The following PRDM1 variants were observed in gnomAD, a reference collection of about 807,000 sequenced individuals.
PRDM1 encodes the protein PR/SET domain 1.
A neutral mutation model predicts 62.8 loss-of-function variants in PRDM1; 13 were observed. The ratio of observed to expected loss-of-function variants is 0.21; its 90% CI spans 0.13 to 0.33. The LOEUF (loss-of-function observed/expected upper bound fraction) is 0.33, where lower values mean the gene tolerates loss of function less well. PRDM1 is among the 10% of genes least tolerant of loss of function. PRDM1 has a pLI of 1.00. For missense variants in PRDM1, 895 were observed against 1,058.8 expected (o/e 0.85, Z 2.15); for synonymous variants, 396 against 417.6 (o/e 0.95, Z 0.63).
intron 1 of PRDM1, among the ~76,000 whole-genome samples, chr6:106,059,214 T>C (rs1364597181): frequency 6.6e-6 from 1 of 150,872 alleles, no homozygotes; most frequent in Admixed American, 6.6e-5. Flanking sequence ...TAAAAAAGAG[T>C]GATTATGATA....
At chr6:106,055,085 CT>C (rs1347144555) in intron 1 of PRDM1, among the ~76,000 whole-genome samples, 31 of 152,298 alleles carry the variant, frequency 2.0e-4, no homozygotes, top group African/African-American at 7.0e-4. Context: ...ACTAGGACTT[CT>C]CAGTGTGGCC....
At chr6:106,074,147 T>C (rs1773564125) in intron 1 of PRDM1, among the ~76,000 whole-genome samples, 1 of 152,182 alleles carries the variant, frequency 6.6e-6, no homozygotes, top group African/African-American at 2.4e-5. Context: ...AAAATTGATC[T>C]ATGGTAGTGA....
At chr6:106,098,805 C>T (rs908815906) in intron 3 of PRDM1, 1 of 1,511,536 alleles carries the variant, frequency 6.6e-7, no homozygotes, top group Non-Finnish European at 8.9e-7. Context: ...TAGTTGAAGC[C>T]TTGGGCGGGG....
rs1774553687 is a variant in PRDM1 at position 106,107,980 on chromosome 6, A to G, written c.*494A>G. 4.3e-6 allele frequency: 1 copy of G among 232,698 alleles called. No individual in the cohort carries two copies. Among genetic ancestry groups the G allele is most frequent in the Non-Finnish European group, 8.5e-6 (1 of 117,528 alleles). 14.4% of individuals were successfully genotyped at this position (232,698 alleles called of 1,614,324 possible). A position where few individuals can be genotyped will look rare whatever the true frequency, so the allele number is the denominator to read the frequency against. ...CATTCTTTGTAGATAATTTCTGCAC[A>G]TCTGTATAAGTACCTAAGATTTAGT... is the stretch of plus-strand genomic sequence containing the variant. On this transcript the variant is annotated 3_prime_UTR_variant, in exon 7 of 7. Coordinates refer to ENST00000369096, the MANE Select transcript of PRDM1 (RefSeq NM_001198.4).
Position 106,061,708 on chromosome 6 carries a change from T to A in PRDM1, c.-67+12994T>A, listed in dbSNP as rs1202594506. ...ATACGGAAATTGAAGCTTAGAGACA[T>A]TGAGTGATGGGCTTAAGGCTTTCAG... On this transcript the variant is annotated intron_variant, in intron 1 of 6. Coordinates refer to the PRDM1 transcript ENST00000651185. 3.3e-5 allele frequency among the ~76,000 whole-genome samples: 5 copies of A among 152,316 alleles called. No homozygotes were observed. The Middle Eastern group carries it at 0.014, about 414-fold the overall frequency.
chr6:106,064,982 C>T (rs972298567), intron 1 of PRDM1, among the ~76,000 whole-genome samples: 2 of 152,144 alleles, frequency 1.3e-5, no homozygotes, highest in Non-Finnish European at 1.5e-5. Context: ...CTGCCAGCCA[C>T]ACTGGTTGTC....
intron 1 of PRDM1, 85 bp from the exon 2 acceptor site, chr6:106,088,116 A>G: frequency 2.0e-6 from 3 of 1,476,162 alleles, no homozygotes; most frequent in Non-Finnish European, 2.7e-6. Context: ...AAGTCTTCAG[A>G]CTACTGTATT....
Position 106,005,392 on chromosome 6 carries a change from G to T in PRDM1, c.-67+11753G>T, listed in dbSNP as rs557475512. Among the ~76,000 whole-genome samples, 64 of 152,346 alleles carry T rather than the reference G, an allele frequency of 4.2e-4. 1 individual carries two copies. The South Asian group carries it at 0.013, about 31-fold the overall frequency. On this transcript the variant is annotated intron_variant, in intron 1 of 6. Transcript: ENST00000652320. ...ACAGGCCTTGGCCTTCCTCTGTAGA[G>T]TGGACTGTAATTAGTGAAGCTGTCA...
intron 1 of PRDM1, chr6:106,087,602 A>T: frequency 4.3e-6 from 1 of 232,406 alleles, no homozygotes; most frequent in African/African-American, 2.2e-5. Flanking sequence ...TCCATGTGAG[A>T]GGATGAAAGA....
chr6:106,059,523 C>T (rs6568427), intron 1 of PRDM1, among the ~76,000 whole-genome samples: 135,475 of 152,240 alleles, frequency 0.89, 60,343 homozygotes, highest in South Asian at 0.94. Flanking sequence ...GCCTGGTTTG[C>T]ATACCTTGGC....
chr6:106,108,698 C>A lies in PRDM1; in HGVS notation c.*1212C>A, dbSNP rs1054521336. On this transcript the variant is annotated 3_prime_UTR_variant, in exon 7 of 7. Coordinates refer to ENST00000369096, the MANE Select transcript of PRDM1 (RefSeq NM_001198.4). Reference sequence around the variant, plus strand: ...GTAATGAACATTCCTATCCCCAACACATCAATTGTATTTTTTCTGTAAAAC... The same window carrying A: ...GTAATGAACATTCCTATCCCCAACAAATCAATTGTATTTTTTCTGTAAAAC... 1 of 233,294 alleles carries A rather than the reference C, an allele frequency of 4.3e-6. No homozygotes were observed. The highest frequency in any genetic ancestry group is 2.2e-5 in the African/African-American group (1 of 45,224). 14.5% of individuals were successfully genotyped at this position (233,294 alleles called of 1,614,324 possible). A position where few individuals can be genotyped will look rare whatever the true frequency, so the allele number is the denominator to read the frequency against.
Position 106,109,151 on chromosome 6 carries a change from A to T in PRDM1, c.*1665A>T, listed in dbSNP as rs919067583. 9 of 209,652 alleles carry T rather than the reference A, an allele frequency of 4.3e-5. No individual in the cohort carries two copies. Among genetic ancestry groups the T allele is most frequent in the African/African-American group, 2.1e-4 (9 of 43,792 alleles). The allele number at this position is 209,652 out of a possible 1,614,324, so 13.0% of individuals were successfully genotyped here. A position where few individuals can be genotyped will look rare whatever the true frequency, so the allele number is the denominator to read the frequency against. On this transcript the variant is annotated 3_prime_UTR_variant, in exon 7 of 7. Transcript: ENST00000369096. ...CTGAGACTTTGCTTAATACTTGGTG[A>T]CCTCACAATCACGTCGGTATGATTG... is the stretch of plus-strand genomic sequence containing the variant.
rs541874592 is a variant in PRDM1 at position 106,004,823 on chromosome 6, A to G, written c.-67+11184A>G. Among the ~76,000 whole-genome samples the G allele has an allele frequency of 9.5e-4, 144 of 152,310 alleles. 1 individual carries two copies. The Middle Eastern group carries it at 0.031, about 32-fold the overall frequency. On this transcript the variant is annotated intron_variant, in intron 1 of 6. Transcript: ENST00000652320. The stretch of plus-strand genomic sequence containing the variant: ...ATTAAAAATATATTGTCAACATAAA[A>G]CTACCATTTCTTGGAATAGATGCTT...
chr6:106,056,997 C>T (rs1180223065), intron 1 of PRDM1, among the ~76,000 whole-genome samples: 1 of 152,194 alleles, frequency 6.6e-6, no homozygotes, highest in African/African-American at 2.4e-5. Flanking sequence ...CAGCACTATA[C>T]ATTTTGAATA....
At chr6:106,090,880 CT>C (rs780599783) in intron 2 of PRDM1, among the ~76,000 whole-genome samples, 1,724 of 136,892 alleles carry the variant, frequency 0.013, 7 homozygotes, top group Middle Eastern at 0.018. Context: ...GTGTCAGCAC[CT>C]TTTTTTTTTT....
rs117032387 is a variant in PRDM1, at chr6:105,998,790, T to C, written c.-67+5151T>C. On this transcript the variant is annotated intron_variant, in intron 1 of 6. Transcript: ENST00000652320. ...AAAAGAAAACTATTTTTACCATTTA[T>C]AGTTCTGCCTCTGCCAGGCTGGTAA... is the stretch of plus-strand genomic sequence containing the variant. 1.3e-3 allele frequency among the ~76,000 whole-genome samples: 194 copies of C among 152,002 alleles called. 3 individuals carry two copies. In the East Asian group the frequency reaches 0.033, roughly 26 times the overall value.
At chr6:106,056,047 A>G (rs983515280) in intron 1 of PRDM1, among the ~76,000 whole-genome samples, 1 of 152,212 alleles carries the variant, frequency 6.6e-6, no homozygotes, top group African/African-American at 2.4e-5. Flanking sequence ...TCAGATATAA[A>G]GGTAGGAACT....
chr6:106,006,041 T>C (rs928608667), intron 1 of PRDM1, among the ~76,000 whole-genome samples: 1 of 152,204 alleles, frequency 6.6e-6, no homozygotes. Flanking sequence ...AAAACAACGA[T>C]AGTCCTCATC....
intron 1 of PRDM1, among the ~76,000 whole-genome samples, chr6:106,014,338 G>A (rs1772591794): frequency 6.6e-6 from 1 of 151,708 alleles, no homozygotes; most frequent in Admixed American, 6.6e-5. Flanking sequence ...GGGATTACAG[G>A]TATGAGCCAC....
Sources: gnomAD v4.1 joint callset for allele counts (sites outside exome capture counted in the v4.1 genomes callset) on GRCh38, gnomAD v4.1.1 for gene constraint, MANE v1.5 for transcripts, NCBI Gene and HGNC (gene_info 2026-07-23, HGNC 2026-07-21) for gene names.